ZZZ3: variants seen among roughly 807,000 people sequenced by gnomAD.
The protein encoded by ZZZ3 is zinc finger ZZ-type containing 3.
Under a neutral mutation model 95.2 loss-of-function variants are expected in ZZZ3, and 22 were observed. The ratio of observed to expected loss-of-function variants is 0.23; its 90% CI spans 0.17 to 0.33. ZZZ3 has a LOEUF of 0.33. Ranked by LOEUF, ZZZ3 falls within the 10% of genes least tolerant of loss-of-function variation. The pLI, the probability that ZZZ3 is intolerant of heterozygous loss-of-function variation, is 1.00. For synonymous variants in ZZZ3, 335 were observed against 358.9 expected (o/e 0.93, Z 0.75); for missense variants, 885 against 1,066.5 (o/e 0.83, Z 2.37).
intron 12 of ZZZ3, among the ~76,000 whole-genome samples, chr1:77,568,985 T>C (rs1384697889): frequency 2.0e-5 from 3 of 152,182 alleles, no homozygotes; most frequent in African/African-American, 7.2e-5. Context: ...TGAACTGAGT[T>C]ACAAAGACGA....
At chr1:77,653,452 T>C (rs1304798114) in intron 1 of ZZZ3, among the ~76,000 whole-genome samples, 1 of 152,158 alleles carries the variant, frequency 6.6e-6, no homozygotes, top group African/African-American at 2.4e-5. Context: ...ATCTCAATGT[T>C]TTTAAAAGAT....
At chr1:77,639,737 A>T (rs1668600828) in intron 3 of ZZZ3, 135 bp from the exon 4 acceptor site, 1 of 305,476 alleles carries the variant, frequency 3.3e-6, no homozygotes, top group Non-Finnish European at 5.9e-6. Flanking sequence ...CTTCTCGGTA[A>T]CTCTGTAGCC....
Position 77,570,721 on chromosome 1 carries a change from G to A in ZZZ3, c.2332-2255C>T, listed in dbSNP as rs951107822. On this transcript the variant is annotated intron_variant, in intron 12 of 14. Transcript: ENST00000370801. ...TTCACTCTGTCACCCAGGCTGGAGT[G>A]CAATGGTGGGGCTCTCTGCAGACTT... Among the ~76,000 whole-genome samples, 5 of 151,112 alleles carry A rather than the reference G, an allele frequency of 3.3e-5. No individual in the cohort carries two copies. In the East Asian group the frequency reaches 7.7e-4, roughly 23 times the overall value.
chr1:77,621,316 C>T (rs1666831956), intron 5 of ZZZ3, among the ~76,000 whole-genome samples: 1 of 150,862 alleles, frequency 6.6e-6, no homozygotes, highest in African/African-American at 2.4e-5. Context: ...CCTGTCTCTA[C>T]AAAAAAATTA....
At chr1:77,584,229 A>G (rs920180200) in intron 6 of ZZZ3, among the ~76,000 whole-genome samples, 1 of 152,172 alleles carries the variant, frequency 6.6e-6, no homozygotes, top group African/African-American at 2.4e-5. Flanking sequence ...ATACTCAAAG[A>G]AGGGGAAGAT....
intron 4 of ZZZ3, among the ~76,000 whole-genome samples, chr1:77,635,484 T>C (rs962072429): frequency 5.3e-5 from 8 of 152,246 alleles, no homozygotes; most frequent in South Asian, 2.1e-4. Flanking sequence ...CATTTAATTA[T>C]CGTTTGCTAA....
chr1:77,593,052 T>TTC (rs1301784683), intron 5 of ZZZ3, among the ~76,000 whole-genome samples: 2 of 152,102 alleles, frequency 1.3e-5, no homozygotes, highest in African/African-American at 4.8e-5. Flanking sequence ...CTTAAAACAG[T>TTC]AGAAGATCAG....
At position 77,568,203 on chromosome 1, in the gene ZZZ3, C is replaced by T. The variant is rs1267159158; in HGVS notation, c.2466+129G>A. 8 of 676,336 alleles carry T rather than the reference C, an allele frequency of 1.2e-5. No individual in the cohort carries two copies. The East Asian group carries it at 1.5e-4, about 13-fold the overall frequency. 41.9% of individuals were successfully genotyped at this position (676,336 alleles called of 1,614,324 possible). ...CTGAGACACGAGAATCGCTTGAACC[C>T]GGGAGGCAGAGGTTGCAGTAAGCTG... On this transcript the variant is annotated intron_variant, in intron 13 of 14. Transcript: ENST00000370801.
At position 77,568,390 on chromosome 1, in the gene ZZZ3, T is replaced by C. The variant is rs201394025; in HGVS notation, c.2408A>G (p.Lys803Arg). 2.7e-4 allele frequency: 432 copies of C among 1,597,560 alleles called. 2 individuals are homozygous for C. Among genetic ancestry groups the C allele is most frequent in the South Asian group, 2.1e-3 (186 of 88,092 alleles). ...AGCTTGCATTTGCTGAAGTTTCTGC[T>C]TCTTTAACTTTTTAAACTGTAATAG... The part of the protein sequence containing the change: ...KELLQFKKLK[K>R]QKLQQMQAES... The change falls in exon 13 of 15, where the codon AAG becomes AGG. Residue 803 changes from lysine (K) to arginine (R), a missense_variant. Physicochemically the swap from Lys to Arg is conservative, Grantham distance 26. This residue lies in a region of ZZZ3 where 221 missense variants were observed against 247.8 expected (regional missense o/e 0.89). Coordinates refer to ENST00000370801, the MANE Select transcript of ZZZ3 (RefSeq NM_015534.6).
chr1:77,601,122 G>GGT (rs2100673499), intron 5 of ZZZ3, among the ~76,000 whole-genome samples: 1 of 152,128 alleles, frequency 6.6e-6, no homozygotes, highest in East Asian at 1.9e-4. Context: ...AGATAGAAAA[G>GGT]GTAAGTAGGG....
intron 1 of ZZZ3, among the ~76,000 whole-genome samples, chr1:77,671,512 A>T (rs1436691789): frequency 3.3e-5 from 5 of 152,214 alleles, no homozygotes; most frequent in Non-Finnish European, 7.3e-5. Flanking sequence ...AAAACTCCAC[A>T]GTTTGAGTGC....
Position 77,639,559 on chromosome 1 carries a change from T to C in ZZZ3, c.-162A>G. ...GCTTAAGCATCAGGGTTTCAGACTC[T>C]CTCAGCTTCAGCCATGAAGAATACT... On this transcript the variant is annotated 5_prime_UTR_variant, in exon 4 of 15. Transcript: ENST00000370801. The C allele has an allele frequency of 9.7e-7, 1 of 1,030,684 alleles. No individual in the cohort carries two copies. Among genetic ancestry groups the C allele is most frequent in the Non-Finnish European group, 1.3e-6 (1 of 750,966 alleles). The allele number at this position is 1,030,684 out of a possible 1,614,324, so 63.8% of individuals were successfully genotyped here. A position where few individuals can be genotyped will look rare whatever the true frequency, so the allele number is the denominator to read the frequency against.
intron 4 of ZZZ3, among the ~76,000 whole-genome samples, chr1:77,636,705 GAAAAAA>G (rs10568853): frequency 3.0e-5 from 2 of 67,646 alleles, no homozygotes; most frequent in African/African-American, 6.0e-5. Flanking sequence ...GCCCTGTCTT[GAAAAAA>G]AAAAAAAAAA....
At chr1:77,621,646 T>A (rs1041733506) in intron 5 of ZZZ3, among the ~76,000 whole-genome samples, 1 of 151,034 alleles carries the variant, frequency 6.6e-6, no homozygotes, top group African/African-American at 2.4e-5. Context: ...CAAAACCCCA[T>A]CTCTACAAGA....
intron 5 of ZZZ3, among the ~76,000 whole-genome samples, chr1:77,622,279 C>T (rs183395449): frequency 1.2e-3 from 179 of 151,402 alleles, no homozygotes; most frequent in Middle Eastern, 6.8e-3. Context: ...TGCACTACAA[C>T]CTGGGTGACA....
intron 6 of ZZZ3, among the ~76,000 whole-genome samples, chr1:77,582,941 C>T (rs1267458717): frequency 6.6e-6 from 1 of 151,780 alleles, no homozygotes; most frequent in African/African-American, 2.4e-5. Flanking sequence ...CCAGTCTCTA[C>T]TAAAAATAAA....
At chr1:77,679,915 A>G (rs548116176) in intron 1 of ZZZ3, among the ~76,000 whole-genome samples, 2 of 152,316 alleles carry the variant, frequency 1.3e-5, no homozygotes, top group African/African-American at 4.8e-5. Flanking sequence ...CCAAGACCCA[A>G]TACTGAAAAG....
intron 5 of ZZZ3, among the ~76,000 whole-genome samples, chr1:77,625,574 G>A (rs975912055): frequency 6.6e-6 from 1 of 151,872 alleles, no homozygotes; most frequent in African/African-American, 2.4e-5. Flanking sequence ...CAGATTATAA[G>A]AACATAAAAA....
intron 4 of ZZZ3, among the ~76,000 whole-genome samples, 187 bp downstream of exon 4, chr1:77,639,262 A>G (rs1668562158): frequency 6.6e-6 from 1 of 152,140 alleles, no homozygotes. Context: ...TGAAAAAAAA[A>G]GGGAGGGAAA....
Sources: gnomAD v4.1 joint callset for allele counts (sites outside exome capture counted in the v4.1 genomes callset) on GRCh38, gnomAD v4.1.1 for gene constraint, gnomAD v4.1.1 regional missense constraint, MANE v1.5 for transcripts, NCBI Gene and HGNC (gene_info 2026-07-23, HGNC 2026-07-21) for gene names.